Variants in KHDRBS2 observed in about 807,000 individuals in gnomAD.
KHDRBS2 encodes the protein KH RNA binding domain containing, signal transduction associated 2, also known as KH domain-containing, RNA-binding, signal transduction-associated protein 2.
A neutral mutation model predicts 44.3 loss-of-function variants in KHDRBS2; 26 were observed. That is an observed-to-expected ratio of 0.59 (90% confidence interval 0.43 to 0.81). The LOEUF (loss-of-function observed/expected upper bound fraction) is 0.81. Among genes scored for constraint, KHDRBS2 ranks in the 40% least tolerant of loss-of-function variants. KHDRBS2 has a pLI of 0.00. For missense variants in KHDRBS2, 476 were observed against 433.1 expected, an observed-to-expected ratio of 1.10 and a Z score of -0.88; for synonymous variants, 194 against 151.1, an observed-to-expected ratio of 1.28 and a Z score of -2.08.
intron 4 of KHDRBS2, among the ~76,000 whole-genome samples, chr6:61,929,137 G>T (rs1479637326): frequency 1.3e-5 from 2 of 151,856 alleles, no homozygotes; most frequent in Non-Finnish European, 2.9e-5. Context: ...TATAATGTAG[G>T]TTTGCTCCTG....
At chr6:61,809,004 T>C (rs1055314419) in intron 6 of KHDRBS2, among the ~76,000 whole-genome samples, 26 of 152,118 alleles carry the variant, frequency 1.7e-4, no homozygotes, top group Non-Finnish European at 8.8e-5. Context: ...ATTTCCATGA[T>C]TGAAATAAAA....
chr6:62,072,948 T>G (rs949790904), intron 2 of KHDRBS2, among the ~76,000 whole-genome samples: 5 of 152,106 alleles, frequency 3.3e-5, no homozygotes. Flanking sequence ...CTGGTAGAAT[T>G]CAGCTGTGAA....
rs1340605841 is a variant in KHDRBS2 at position 61,955,517 on chromosome 6, T to C, written c.483+22549A>G. Among the ~76,000 whole-genome samples, 7 of 65,584 alleles carry C rather than the reference T, an allele frequency of 1.1e-4. 3 individuals carry two copies. The Admixed American group carries it at 1.1e-3, about 10-fold the overall frequency. The allele number at this position is 65,584 out of a possible 152,430, so 43.0% of individuals were successfully genotyped here. A position where few individuals can be genotyped will look rare whatever the true frequency, so the allele number is the denominator to read the frequency against. ...ATACATGTGTATATATACACATATG[T>C]ATGTATGTATACATGTGTATATATA... On this transcript the variant is annotated intron_variant, in intron 4 of 8. Coordinates refer to ENST00000281156, the MANE Select transcript of KHDRBS2 (RefSeq NM_152688.4).
chr6:61,781,007 G>T (rs1188028775), intron 6 of KHDRBS2, among the ~76,000 whole-genome samples: 1 of 152,138 alleles, frequency 6.6e-6, no homozygotes, highest in Non-Finnish European at 1.5e-5. Context: ...GCTTTGAGAT[G>T]TCTGATAAAG....
intron 1 of KHDRBS2, among the ~76,000 whole-genome samples, chr6:62,217,724 A>T (rs191047214): frequency 1.1e-4 from 16 of 151,956 alleles, no homozygotes; most frequent in African/African-American, 3.6e-4. Flanking sequence ...ATAAAACATA[A>T]GTTGTTTTTT....
chr6:62,205,633 G>A (rs1274824157), intron 1 of KHDRBS2, among the ~76,000 whole-genome samples: 1 of 152,062 alleles, frequency 6.6e-6, no homozygotes, highest in Non-Finnish European at 1.5e-5. Flanking sequence ...CTGTGCATTA[G>A]AGAGAAAAGA....
chr6:62,053,444 T>C (rs964796382), intron 2 of KHDRBS2, among the ~76,000 whole-genome samples: 3 of 151,984 alleles, frequency 2.0e-5, no homozygotes, highest in African/African-American at 7.2e-5. Flanking sequence ...CATGATTGAG[T>C]TTTATTTATC....
chr6:62,071,827 C>T (rs1795182888), intron 2 of KHDRBS2, among the ~76,000 whole-genome samples: 1 of 152,078 alleles, frequency 6.6e-6, no homozygotes, highest in Admixed American at 6.6e-5. Flanking sequence ...AATGCGGGCT[C>T]TTTTTTTGTT....
intron 4 of KHDRBS2, among the ~76,000 whole-genome samples, chr6:61,956,195 A>G (rs1767242415): frequency 6.6e-6 from 1 of 151,256 alleles, no homozygotes; most frequent in Non-Finnish European, 1.5e-5. Flanking sequence ...TCCTTGTCAA[A>G]AAAAAACAAA....
the KHDRBS2 span, among the ~76,000 whole-genome samples, chr6:61,582,956 G>A: frequency 3.3e-5 from 5 of 151,658 alleles, no homozygotes; most frequent in East Asian, 9.6e-4. Flanking sequence ...TTTTATGTAA[G>A]ACAAATTTTA....
At chr6:61,978,730 C>T (rs1773237936) in intron 3 of KHDRBS2, among the ~76,000 whole-genome samples, 2 of 152,064 alleles carry the variant, frequency 1.3e-5, no homozygotes, top group South Asian at 2.1e-4. Context: ...TTCTCACCAG[C>T]CCAGATTATC....
intron 1 of KHDRBS2, among the ~76,000 whole-genome samples, chr6:62,280,871 C>A (rs1335308790): frequency 1.3e-5 from 2 of 152,096 alleles, no homozygotes; most frequent in South Asian, 4.1e-4. Flanking sequence ...GGCAAGTCAA[C>A]CCTGAAGAAA....
At chr6:62,006,012 A>G (rs1437040098) in intron 3 of KHDRBS2, among the ~76,000 whole-genome samples, 5 of 152,026 alleles carry the variant, frequency 3.3e-5, no homozygotes, top group Admixed American at 6.6e-5. Flanking sequence ...ACTGTTTAAC[A>G]TATTTTCCAT....
At chr6:61,578,463 GT>G in the KHDRBS2 span, among the ~76,000 whole-genome samples, 2 of 152,100 alleles carry the variant, frequency 1.3e-5, no homozygotes, top group Non-Finnish European at 2.9e-5. Context: ...CAAGTCTCTA[GT>G]TTATTAGGTC....
intron 2 of KHDRBS2, among the ~76,000 whole-genome samples, chr6:62,055,570 A>G (rs1293254434): frequency 6.6e-6 from 1 of 152,132 alleles, no homozygotes; most frequent in East Asian, 1.9e-4. Flanking sequence ...ATTCCTAGAT[A>G]TATCATCCAG....
chr6:62,122,584 T>C (rs970691323), intron 2 of KHDRBS2, among the ~76,000 whole-genome samples: 3 of 152,196 alleles, frequency 2.0e-5, no homozygotes, highest in African/African-American at 7.2e-5. Flanking sequence ...ATCCTGCTTT[T>C]TCCCCTCCAG....
the KHDRBS2 span, chr6:61,574,411 G>C: frequency 2.6e-6 from 4 of 1,519,606 alleles, no homozygotes; most frequent in South Asian, 4.8e-5. Context: ...AATACAACAA[G>C]ACGAGAAGAC....
At chr6:61,650,576 C>T in the KHDRBS2 span, among the ~76,000 whole-genome samples, 1 of 149,530 alleles carries the variant, frequency 6.7e-6, no homozygotes, top group Non-Finnish European at 1.5e-5. Flanking sequence ...TTATCTTATG[C>T]TGTACAGTCA....
chr6:61,862,556 TTCTATA>T (rs1438781248), intron 6 of KHDRBS2, among the ~76,000 whole-genome samples: 1 of 152,170 alleles, frequency 6.6e-6, no homozygotes, highest in Non-Finnish European at 1.5e-5. Context: ...TGAAGGCCTT[TTCTATA>T]TCTATTGAGA....
Sources: gnomAD v4.1 joint callset for allele counts (sites outside exome capture counted in the v4.1 genomes callset) on GRCh38, gnomAD v4.1.1 for gene constraint, MANE v1.5 for transcripts, NCBI Gene and HGNC (gene_info 2026-07-23, HGNC 2026-07-21) for gene names.